The following FOXP2 variants were observed in gnomAD, a reference collection of about 807,000 sequenced individuals.
The protein encoded by FOXP2 is forkhead box protein P2.
Under a neutral mutation model 115.8 loss-of-function variants are expected in FOXP2, and 12 were observed. The observed-to-expected ratio is 0.10, with a 90% CI of 0.07 to 0.17. FOXP2 has a LOEUF of 0.17. FOXP2 is among the 10% of genes least tolerant of loss of function. FOXP2 has a pLI of 1.00. For synonymous variants in FOXP2, 328 were observed against 297.7 expected, an observed-to-expected ratio of 1.10 and a Z score of -1.05; for missense variants, 629 against 843.5, an observed-to-expected ratio of 0.75 and a Z score of 3.15.
intron 3 of FOXP2, among the ~76,000 whole-genome samples, chr7:114,625,668 G>A (rs149500733): frequency 6.6e-6 from 1 of 151,764 alleles, no homozygotes; most frequent in Non-Finnish European, 1.5e-5. Context: ...CGCTTAAAAT[G>A]AGTCACTTAA....
Position 114,658,278 on chromosome 7 carries a change from A to G in FOXP2, c.1468+11A>G. The G allele has an allele frequency of 6.2e-7, 1 of 1,613,306 alleles. No homozygotes were observed. The highest frequency in any genetic ancestry group is 8.5e-7 in the Non-Finnish European group (1 of 1,179,500). ...TTCCCATGTCATCAGGTAGGATATG[A>G]ATGCTCAGTAGAGCACTTTTACTTT... On this transcript the variant is annotated intron_variant, in intron 11 of 16. Coordinates refer to ENST00000350908, the MANE Select transcript of FOXP2 (RefSeq NM_014491.4).
rs570493515 is a variant in FOXP2 at position 114,380,273 on chromosome 7, A to T, written c.-10-46229A>T. Among the ~76,000 whole-genome samples the T allele has an allele frequency of 2.0e-5, 3 of 152,334 alleles. No homozygotes were observed. The South Asian group carries it at 6.2e-4, about 32-fold the overall frequency. Reference sequence around the variant, plus strand: ...TTTCTCTCCACATTGCTGCGTGGGCATGGAGGACTAGGTAAGCATACTTAG... The same window carrying T: ...TTTCTCTCCACATTGCTGCGTGGGCTTGGAGGACTAGGTAAGCATACTTAG... On this transcript the variant is annotated intron_variant, in intron 2 of 17. Coordinates refer to the FOXP2 transcript ENST00000634411.
intron 1 of FOXP2, among the ~76,000 whole-genome samples, chr7:114,175,498 C>T (rs982975820): frequency 1.3e-5 from 2 of 152,098 alleles, no homozygotes; most frequent in Non-Finnish European, 2.9e-5. Flanking sequence ...CATACATGAC[C>T]TAATGACCAT....
intron 1 of FOXP2, among the ~76,000 whole-genome samples, chr7:114,121,099 A>C (rs1334410120): frequency 6.6e-6 from 1 of 152,148 alleles, no homozygotes; most frequent in Admixed American, 6.5e-5. Flanking sequence ...CAAAAATTAT[A>C]TGTTGAAATA....
chr7:114,375,499 T>C (rs1217390462), intron 2 of FOXP2, among the ~76,000 whole-genome samples: 1 of 152,194 alleles, frequency 6.6e-6, no homozygotes, highest in Non-Finnish European at 1.5e-5. Flanking sequence ...CCAGCTGGTA[T>C]GGTGGTTGTT....
At chr7:114,627,401 A>G (rs1440247483) in intron 3 of FOXP2, among the ~76,000 whole-genome samples, 1 of 152,178 alleles carries the variant, frequency 6.6e-6, no homozygotes, top group South Asian at 2.1e-4. Context: ...AGTGATTACT[A>G]TTTCAAAGGT....
intron 2 of FOXP2, among the ~76,000 whole-genome samples, chr7:114,433,081 A>AT (rs934710293): frequency 1.3e-5 from 2 of 152,126 alleles, no homozygotes; most frequent in South Asian, 4.1e-4. Context: ...TGACCATTTC[A>AT]TGCCTGATCT....
intron 3 of FOXP2, among the ~76,000 whole-genome samples, chr7:114,541,617 A>T (rs897786591): frequency 2.6e-5 from 4 of 152,022 alleles, no homozygotes; most frequent in Non-Finnish European, 5.9e-5. Context: ...ATCATACTTT[A>T]ACATGGATGA....
upstream of FOXP2, among the ~76,000 whole-genome samples, chr7:114,162,715 A>G (rs2129150911): frequency 6.6e-6 from 1 of 152,176 alleles, no homozygotes; most frequent in Non-Finnish European, 1.5e-5. Context: ...TTCTCTTGCT[A>G]TGCTGCTTAG....
At chr7:114,395,195 A>C (rs569537052) in intron 2 of FOXP2, among the ~76,000 whole-genome samples, 17 of 152,334 alleles carry the variant, frequency 1.1e-4, no homozygotes, top group African/African-American at 3.6e-4. Context: ...CCATTAATTC[A>C]ATACATTTGT....
intron 2 of FOXP2, among the ~76,000 whole-genome samples, chr7:114,451,810 G>A (rs919757140): frequency 6.6e-6 from 1 of 152,066 alleles, no homozygotes; most frequent in Admixed American, 6.6e-5. Flanking sequence ...ACCAGATTGA[G>A]AAAGTGACAA....
At chr7:114,395,496 G>A (rs1792714506) in intron 2 of FOXP2, among the ~76,000 whole-genome samples, 1 of 152,086 alleles carries the variant, frequency 6.6e-6, no homozygotes, top group Non-Finnish European at 1.5e-5. Context: ...AATACATGGA[G>A]CCTAGAATGC....
intron 16 of FOXP2, among the ~76,000 whole-genome samples, chr7:114,672,853 G>T (rs999371093): frequency 2.0e-5 from 3 of 152,020 alleles, no homozygotes; most frequent in African/African-American, 4.8e-5. Context: ...GCAGCGGATG[G>T]GTAACAACTC....
Position 114,693,546 on chromosome 7 carries a change from CTTG to C in FOXP2, c.*3623_*3625del, listed in dbSNP as rs1215278688. The stretch of plus-strand genomic sequence containing the variant: ...GCTATTGAAAGGAACATGGCTTACC[CTTG>C]TTATTTCACTAGTTCAGGTTGCAAC... On this transcript the variant is annotated 3_prime_UTR_variant, in exon 17 of 17. Transcript: ENST00000350908. The C allele has an allele frequency of 2.2e-6, 1 of 453,240 alleles. No individual in the cohort carries two copies. The highest frequency in any genetic ancestry group is 4.4e-6 in the Non-Finnish European group (1 of 226,438). The allele number at this position is 453,240 out of a possible 1,614,324, so 28.1% of individuals were successfully genotyped here. A position where few individuals can be genotyped will look rare whatever the true frequency, so the allele number is the denominator to read the frequency against.
intron 10 of FOXP2, among the ~76,000 whole-genome samples, chr7:114,655,830 C>A (rs1343413402): frequency 6.6e-6 from 1 of 152,116 alleles, no homozygotes; most frequent in Non-Finnish European, 1.5e-5. Context: ...TATTATATGA[C>A]CCCATTTACT....
chr7:114,275,745 G>A (rs1290514432), intron 1 of FOXP2, among the ~76,000 whole-genome samples: 10 of 152,122 alleles, frequency 6.6e-5, no homozygotes, highest in Non-Finnish European at 1.2e-4. Context: ...GCCTTGTAAT[G>A]TTTTCTTGAT....
At chr7:114,492,512 A>C (rs937651085) in intron 2 of FOXP2, among the ~76,000 whole-genome samples, 6 of 151,714 alleles carry the variant, frequency 4.0e-5, no homozygotes, top group Admixed American at 2.0e-4. Flanking sequence ...TTAGGGTGTC[A>C]ATTTTATATC....
chr7:114,432,891 C>T (rs896854106), intron 2 of FOXP2, among the ~76,000 whole-genome samples: 3 of 151,954 alleles, frequency 2.0e-5, no homozygotes, highest in Admixed American at 6.6e-5. Flanking sequence ...GTTCTATTAT[C>T]ATCCACAGTT....
chr7:114,372,999 CT>C lies in FOXP2; in HGVS notation c.-10-53492del, dbSNP rs888495161. Among the ~76,000 whole-genome samples the C allele has an allele frequency of 6.9e-4, 101 of 145,640 alleles. 1 individual carries two copies. Among genetic ancestry groups the C allele is most frequent in the African/African-American group, 1.6e-3 (65 of 39,968 alleles). ...GGCACGAAATCATAGAATAAAACTT[CT>C]TTTTTTTTTTGAGTTGGAGTCTTGC... On this transcript the variant is annotated intron_variant, in intron 2 of 17. Coordinates refer to the FOXP2 transcript ENST00000634411.
Sources: allele counts gnomAD v4.1 joint callset (sites outside exome capture counted in the v4.1 genomes callset), GRCh38; gene constraint gnomAD v4.1.1; transcripts MANE v1.5; gene names NCBI Gene and HGNC (gene_info 2026-07-23, HGNC 2026-07-21).